Variants in SLC38A9 observed in about 807,000 individuals in gnomAD.
The protein encoded by SLC38A9 is solute carrier family 38 member 9, also known as neutral amino acid transporter 9.
Under a neutral mutation model 62.3 loss-of-function variants are expected in SLC38A9, and 48 were observed. The ratio of observed to expected loss-of-function variants is 0.77; its 90% CI spans 0.61 to 0.98. The LOEUF is 0.98. Among genes scored for constraint, SLC38A9 ranks in the 50% least tolerant of loss-of-function variants. The pLI is 0.00. For synonymous variants in SLC38A9, 204 were observed against 227.7 expected (o/e 0.90, Z 0.94); for missense variants, 541 against 679.8 (o/e 0.80, Z 2.27).
intron 3 of SLC38A9, among the ~76,000 whole-genome samples, chr5:55,697,461 A>G (rs1460500969): frequency 6.6e-6 from 1 of 152,136 alleles, no homozygotes; most frequent in Non-Finnish European, 1.5e-5. Flanking sequence ...AATTATTTTA[A>G]ACTATCTGCT....
chr5:55,646,024 T>C (rs1329915702), intron 11 of SLC38A9, 129 bp from the exon 12 acceptor site: 6 of 636,872 alleles, frequency 9.4e-6, no homozygotes, highest in South Asian at 4.0e-5. Context: ...AAAATGTCTT[T>C]ACAAAGTTCC....
intron 6 of SLC38A9, 52 bp from the exon 7 acceptor site, chr5:55,669,373 T>C: frequency 6.8e-7 from 1 of 1,469,750 alleles, no homozygotes; most frequent in Non-Finnish European, 9.4e-7. Flanking sequence ...TAAGCATAAA[T>C]TCATATGCAA....
intron 2 of SLC38A9, among the ~76,000 whole-genome samples, chr5:55,710,467 C>A (rs948250231): frequency 5.3e-5 from 8 of 152,078 alleles, no homozygotes; most frequent in Admixed American, 2.0e-4. Context: ...CTCAGCCTCC[C>A]AAAAGTGTTG....
At chr5:55,676,739 T>C (rs566822445) in intron 3 of SLC38A9, among the ~76,000 whole-genome samples, 6 of 152,208 alleles carry the variant, frequency 3.9e-5, no homozygotes, top group Non-Finnish European at 8.8e-5. Flanking sequence ...AATAGTATGC[T>C]ACGTAGGTAC....
Position 55,664,873 on chromosome 5 carries a change from A to G in SLC38A9, c.527-10T>C. 1 of 1,503,332 alleles carries G rather than the reference A, an allele frequency of 6.7e-7. No homozygotes were observed. The highest frequency in any genetic ancestry group is 8.9e-7 in the Non-Finnish European group (1 of 1,118,426). 93.1% of individuals were successfully genotyped at this position (1,503,332 alleles called of 1,614,324 possible). The stretch of plus-strand genomic sequence containing the variant: ...GTGGTATCCAACGAAACTAGATAAA[A>G]TAAGAGAAAGAATAAAACTAAATGT... On this transcript the variant is annotated splice_polypyrimidine_tract_variant and intron_variant, in intron 7 of 15. Coordinates refer to ENST00000396865, the MANE Select transcript of SLC38A9 (RefSeq NM_173514.4).
Position 55,669,635 on chromosome 5 carries a change from T to A in SLC38A9, c.369-15A>T, listed in dbSNP as rs1020618377. 11 of 1,601,764 alleles carry A rather than the reference T, an allele frequency of 6.9e-6. No homozygotes were observed. The African/African-American group carries it at 1.5e-4, about 22-fold the overall frequency. On this transcript the variant is annotated splice_polypyrimidine_tract_variant and intron_variant, in intron 5 of 15. Transcript: ENST00000396865. ...AAATCATAAAACTGAAAACACAGAG[T>A]AATAGCAGTAAAAAAATGGAGTTTC...
chr5:55,688,923 A>G (rs1754345903), intron 3 of SLC38A9, among the ~76,000 whole-genome samples: 1 of 152,224 alleles, frequency 6.6e-6, no homozygotes, highest in African/African-American at 2.4e-5. Context: ...TTTGAAATTA[A>G]TAAGACAATT....
intron 11 of SLC38A9, among the ~76,000 whole-genome samples, chr5:55,648,098 G>A (rs897657881): frequency 1.3e-5 from 2 of 152,142 alleles, no homozygotes; most frequent in African/African-American, 4.8e-5. Context: ...AATTAGCCGG[G>A]CATGGTGGTG....
intron 14 of SLC38A9, 122 bp from the exon 15 acceptor site, chr5:55,628,102 T>C (rs1742788651): frequency 1.6e-6 from 1 of 629,656 alleles, no homozygotes; most frequent in East Asian, 2.8e-5. Flanking sequence ...TTAAGCTTGA[T>C]AAAATCACAG....
In SLC38A9 at chr5:55,672,587, G is replaced by C. The variant is rs763367369; in HGVS notation, c.222C>G (p.Leu74=). The C allele has an allele frequency of 6.2e-7, 1 of 1,614,116 alleles. No homozygotes were observed. Among genetic ancestry groups the C allele is most frequent in the Non-Finnish European group, 8.5e-7 (1 of 1,180,012 alleles). The change falls in exon 4 of 16, where the codon CTC becomes CTG. Residue 74 remains leucine, a synonymous_variant. Transcript: ENST00000396865. ...CCAGTGCCTTGTCTGCAGGAGTGGT[G>C]AGCCGGCTGTAGTAATGAATTCTCT... The part of the protein sequence containing the change: ...MNKRIHYYSR[L]TTPADKALIA...
intron 3 of SLC38A9, among the ~76,000 whole-genome samples, chr5:55,686,171 TTC>T (rs139615383): frequency 0.04 from 6,054 of 152,270 alleles, 159 homozygotes; most frequent in African/African-American, 0.082. Context: ...CGAATGGTAT[TTC>T]TGTCTTTAAG....
intron 3 of SLC38A9, among the ~76,000 whole-genome samples, chr5:55,680,057 G>A (rs1363554329): frequency 6.6e-6 from 1 of 152,102 alleles, no homozygotes; most frequent in Non-Finnish European, 1.5e-5. Flanking sequence ...AACAATTTCT[G>A]GAAAATTAAT....
In SLC38A9 at chr5:55,669,829, AC is replaced by A. The variant is rs1751007833; in HGVS notation, c.296del (p.Ser99IlefsTer22). ...GAAGTTTATAAGCAGAGCCCAATGG[AC>A]TATACACATAGCACTCTTCTGGAGC... The part of the protein sequence containing the change: ...VPAPEECYVY[S>X]PLGSAYKLQS... On this transcript the variant is annotated frameshift_variant, in exon 5 of 16. Transcript: ENST00000396865. LOFTEE classifies it high-confidence loss of function. The A allele has an allele frequency of 6.2e-7, 1 of 1,613,164 alleles. No homozygotes were observed. The highest frequency in any genetic ancestry group is 8.5e-7 in the Non-Finnish European group (1 of 1,179,412).
chr5:55,644,121 T>C (rs1745880568), intron 12 of SLC38A9, among the ~76,000 whole-genome samples: 1 of 151,896 alleles, frequency 6.6e-6, no homozygotes, highest in South Asian at 2.1e-4. Flanking sequence ...CCACCATGCC[T>C]GGCTAATTTT....
chr5:55,657,474 T>C (rs1028520037), intron 8 of SLC38A9, among the ~76,000 whole-genome samples: 1 of 148,914 alleles, frequency 6.7e-6, no homozygotes, highest in Non-Finnish European at 1.5e-5. Context: ...CAGCTGATCT[T>C]ACCTGGAAAA....
chr5:55,689,603 C>CA (rs951202621), intron 3 of SLC38A9, among the ~76,000 whole-genome samples: 5 of 152,150 alleles, frequency 3.3e-5, no homozygotes, highest in Non-Finnish European at 7.3e-5. Context: ...ATTGAGCAGA[C>CA]AGAGAACAAT....
rs545921854 is a variant in SLC38A9, at chr5:55,653,769, C to T, written c.758-1046G>A. On this transcript the variant is annotated intron_variant, in intron 9 of 15. Transcript: ENST00000396865. ...TGCCTCCTGGGGTCAAGTGATTCTCCTACCTCAGCCTCCTGAGTAGCTAGG... is the reference window on the plus strand; with the variant it reads ...TGCCTCCTGGGGTCAAGTGATTCTCTTACCTCAGCCTCCTGAGTAGCTAGG... Among the ~76,000 whole-genome samples the T allele has an allele frequency of 7.4e-4, 113 of 152,190 alleles. 2 individuals carry two copies. In the South Asian group the frequency reaches 9.6e-3, roughly 13 times the overall value.
At chr5:55,633,926 T>G in intron 13 of SLC38A9, 24 bp from the exon 14 acceptor site, 2 of 1,561,114 alleles carry the variant, frequency 1.3e-6, no homozygotes, top group Non-Finnish European at 1.7e-6. Context: ...GATAATGAGG[T>G]CATGTTAAAA....
At chr5:55,692,905 G>C (rs1754942219) in intron 3 of SLC38A9, 1 of 977,878 alleles carries the variant, frequency 1.0e-6, no homozygotes, top group African/African-American at 1.7e-5. Flanking sequence ...TATCTTTTCT[G>C]ATGGCCACTA....
Sources: gnomAD v4.1 joint callset for allele counts (sites outside exome capture counted in the v4.1 genomes callset) on GRCh38, gnomAD v4.1.1 for gene constraint, MANE v1.5 for transcripts, NCBI Gene and HGNC (gene_info 2026-07-23, HGNC 2026-07-21) for gene names.